TMEM30A: variants seen among roughly 807,000 people sequenced by gnomAD.
TMEM30A encodes cell cycle control protein 50A.
Under a neutral mutation model 38.2 loss-of-function variants are expected in TMEM30A, and 24 were observed. That is an observed-to-expected ratio of 0.63 (90% CI 0.46 to 0.88). The LOEUF is 0.88. TMEM30A is among the 40% of genes least tolerant of loss of function. The pLI is 0.00. For missense variants in TMEM30A, 370 were observed against 458.6 expected (o/e 0.81, Z 1.77); for synonymous variants, 145 against 161.6 (o/e 0.90, Z 0.78).
rs1056702855 is a variant in TMEM30A at position 75,254,010 on chromosome 6, C to T, written c.*2092G>A. Reference sequence around the variant, plus strand: ...TATAAGAAAAAGAAATGTCTTCCCTCCCCCCATGCTTCACAGAGACTATAC... The same window carrying T: ...TATAAGAAAAAGAAATGTCTTCCCTTCCCCCATGCTTCACAGAGACTATAC... On this transcript the variant is annotated 3_prime_UTR_variant, in exon 7 of 7. Coordinates refer to ENST00000230461, the MANE Select transcript of TMEM30A (RefSeq NM_018247.4). 3 of 152,030 alleles carry T rather than the reference C, an allele frequency of 2.0e-5. No homozygotes were observed. Among genetic ancestry groups the T allele is most frequent in the African/African-American group, 4.8e-5 (2 of 41,392 alleles). 9.4% of individuals were successfully genotyped at this position (152,030 alleles called of 1,614,324 possible).
At chr6:75,262,561 G>C (rs755020948) in intron 3 of TMEM30A, among the ~76,000 whole-genome samples, 1 of 151,622 alleles carries the variant, frequency 6.6e-6, no homozygotes. Flanking sequence ...AGAATTGCTT[G>C]AACCGGGGAG....
At chr6:75,270,522 A>G (rs538630253) in intron 1 of TMEM30A, among the ~76,000 whole-genome samples, 193 of 152,198 alleles carry the variant, frequency 1.3e-3, no homozygotes, top group African/African-American at 4.1e-3. Context: ...AGCTCTCTCA[A>G]TCTCTATCAT....
At chr6:75,268,235 G>A (rs1031857556) in intron 1 of TMEM30A, among the ~76,000 whole-genome samples, 1 of 152,074 alleles carries the variant, frequency 6.6e-6, no homozygotes, top group Admixed American at 6.5e-5. Context: ...TTGGGTTCCC[G>A]GCAAGGAGCT....
intron 3 of TMEM30A, among the ~76,000 whole-genome samples, chr6:75,262,777 C>T (rs1040840581): frequency 6.6e-6 from 1 of 152,132 alleles, no homozygotes; most frequent in Non-Finnish European, 1.5e-5. Flanking sequence ...TTTTAAGCAA[C>T]TCAAAATGTA....
chr6:75,267,528 GTAAAT>G (rs1339591890), intron 2 of TMEM30A, 108 bp downstream of exon 2: 2 of 666,264 alleles, frequency 3.0e-6, no homozygotes, highest in African/African-American at 3.7e-5. Context: ...ATAAACTCCA[GTAAAT>G]TATACAGACT....
chr6:75,259,555 C>T (rs1324882327), intron 4 of TMEM30A, 65 bp from the exon 5 acceptor site: 1 of 1,400,508 alleles, frequency 7.1e-7, no homozygotes, highest in Non-Finnish European at 9.5e-7. Flanking sequence ...CTGCTTAACT[C>T]TATGAGAAAT....
intron 2 of TMEM30A, among the ~76,000 whole-genome samples, chr6:75,265,855 T>C (rs1430673304): frequency 1.3e-5 from 2 of 152,040 alleles, no homozygotes; most frequent in African/African-American, 4.8e-5. Context: ...TAGCACCACG[T>C]GCAGTTGAAA....
chr6:75,278,412 T>C (rs1388925604), intron 1 of TMEM30A, among the ~76,000 whole-genome samples: 1 of 152,238 alleles, frequency 6.6e-6, no homozygotes, highest in African/African-American at 2.4e-5. Flanking sequence ...GTAGCTTGTG[T>C]GGCCTTGTTA....
chr6:75,279,877 T>A (rs1772328669), intron 1 of TMEM30A, among the ~76,000 whole-genome samples: 3 of 152,148 alleles, frequency 2.0e-5, no homozygotes, highest in Admixed American at 2.0e-4. Flanking sequence ...GAAATCAACA[T>A]AAGACCTAAA....
Position 75,256,310 on chromosome 6 carries a change from G to C in TMEM30A, c.893-15C>G. ...TACAGGGTAATCTGAAGAGGGTATAGGAAGATTTTTCCATCTCTGGTTACT... is the reference window on the plus strand; with the variant it reads ...TACAGGGTAATCTGAAGAGGGTATACGAAGATTTTTCCATCTCTGGTTACT... On this transcript the variant is annotated splice_polypyrimidine_tract_variant and intron_variant, in intron 6 of 6. Coordinates refer to ENST00000230461, the MANE Select transcript of TMEM30A (RefSeq NM_018247.4). 3.2e-6 allele frequency: 5 copies of C among 1,577,976 alleles called. No individual in the cohort carries two copies. The highest frequency in any genetic ancestry group is 3.4e-6 in the Non-Finnish European group (4 of 1,161,530).
rs774514175 is a variant in TMEM30A at position 75,284,546 on chromosome 6, C to G, written c.93G>C (p.Thr31=). The G allele has an allele frequency of 1.9e-6, 3 of 1,612,270 alleles. No individual in the cohort carries two copies. The highest frequency in any genetic ancestry group is 2.5e-6 in the Non-Finnish European group (3 of 1,178,942). Residue 31 remains threonine (T), a synonymous_variant, in exon 1 of 7, where the codon ACG becomes ACC. Transcript: ENST00000230461. Reference sequence around the variant, plus strand: ...CTGGCAGCCGTTGCTGTTTGAAGGCCGTGTTATCCGGTCTCCGAGTCTTCG... The same window carrying G: ...CTGGCAGCCGTTGCTGTTTGAAGGCGGTGTTATCCGGTCTCCGAGTCTTCG... The part of the protein sequence containing the change: ...GTAKTRRPDN[T]AFKQQRLPAW...
At chr6:75,282,856 AC>A in intron 1 of TMEM30A, among the ~76,000 whole-genome samples, 1 of 152,306 alleles carries the variant, frequency 6.6e-6, no homozygotes, top group Middle Eastern at 3.4e-3. Flanking sequence ...TTTCCAAGAA[AC>A]TGAGCTGGTT....
In TMEM30A at chr6:75,260,890, G is replaced by A; in HGVS notation, c.475C>T (p.Pro159Ser). ...ALLNPSKECEPYRRNEDKPIA... is the reference protein window; with the variant it reads ...ALLNPSKECESYRRNEDKPIA... ...GGTTTGTCTTCATTTCTTCGATAAG[G>A]TTCACATTCCTTACTGGGATTCTGG... The change falls in exon 4 of 7, where the codon CCT becomes TCT. Residue 159 changes from proline (P) to serine (S), a missense_variant. Transcript: ENST00000230461. 1 of 1,599,766 alleles carries A rather than the reference G, an allele frequency of 6.3e-7. No individual in the cohort carries two copies. Among genetic ancestry groups the A allele is most frequent in the South Asian group, 1.1e-5 (1 of 87,596 alleles).
chr6:75,279,580 C>T (rs766356788), intron 1 of TMEM30A, among the ~76,000 whole-genome samples: 24 of 152,100 alleles, frequency 1.6e-4, no homozygotes, highest in Non-Finnish European at 2.9e-4. Flanking sequence ...TGGAGACTTG[C>T]CCATTAGCTA....
rs1444995535 is a variant in TMEM30A at position 75,284,563 on chromosome 6, G to C, written c.76C>G (p.Arg26Gly). Residue 26 changes from arginine (R) to glycine (G), a missense_variant, in exon 1 of 7, where the codon CGG (arginine) becomes GGG (glycine). Physicochemically the swap from Arg to Gly is moderately radical, Grantham distance 125. Transcript: ENST00000230461. Reference protein sequence around the residue: ...PCAPGGTAKTRRPDNTAFKQQ... With the variant: ...PCAPGGTAKTGRPDNTAFKQQ... ...TTGAAGGCCGTGTTATCCGGTCTCC[G>C]AGTCTTCGCGGTGCCCCCCGGAGCA... 1 of 1,613,340 alleles carries C rather than the reference G, an allele frequency of 6.2e-7. No homozygotes were observed. The highest frequency in any genetic ancestry group is 2.2e-5 in the East Asian group (1 of 44,852).
intron 3 of TMEM30A, among the ~76,000 whole-genome samples, chr6:75,262,347 G>GA (rs1771980273): frequency 6.6e-6 from 1 of 150,896 alleles, no homozygotes. Flanking sequence ...CCCTGTCTCA[G>GA]AAAAAAACAA....
intron 1 of TMEM30A, among the ~76,000 whole-genome samples, chr6:75,279,631 T>C (rs1283118302): frequency 6.6e-6 from 1 of 152,192 alleles, no homozygotes; most frequent in Non-Finnish European, 1.5e-5. Flanking sequence ...AGAACAGATG[T>C]AGATGAGCAG....
chr6:75,268,617 C>A (rs1177058056), intron 1 of TMEM30A, among the ~76,000 whole-genome samples: 2 of 152,126 alleles, frequency 1.3e-5, no homozygotes, highest in Non-Finnish European at 2.9e-5. Flanking sequence ...CTGTTCGAGA[C>A]CTTGCTATAT....
chr6:75,267,303 A>G (rs1223100771), intron 2 of TMEM30A, among the ~76,000 whole-genome samples: 1 of 152,102 alleles, frequency 6.6e-6, no homozygotes, highest in Non-Finnish European at 1.5e-5. Flanking sequence ...GTAAGTATGC[A>G]CAACAATTTG....
Sources: allele counts gnomAD v4.1 joint callset (sites outside exome capture counted in the v4.1 genomes callset), GRCh38; gene constraint gnomAD v4.1.1; transcripts MANE v1.5; gene names NCBI Gene and HGNC (gene_info 2026-07-23, HGNC 2026-07-21).